The following DYM variants were observed in gnomAD, a reference collection of about 807,000 sequenced individuals.
The protein encoded by DYM is dyggve-Melchior-Clausen syndrome protein.
A neutral mutation model predicts 93.1 loss-of-function variants in DYM; 78 were observed. That is an observed-to-expected ratio of 0.84 (90% CI 0.70 to 1.01). The LOEUF is 1.01. DYM is among the 50% of genes least tolerant of loss of function. The pLI, the probability that DYM is intolerant of heterozygous loss-of-function variation, is 0.00. For missense variants in DYM, 789 were observed against 845.0 expected (o/e 0.93, Z 0.82); for synonymous variants, 321 against 319.7 (o/e 1.00, Z -0.04).
intron 13 of DYM, among the ~76,000 whole-genome samples, chr18:49,238,398 G>A (rs1381223509): frequency 6.6e-6 from 1 of 151,832 alleles, no homozygotes; most frequent in African/African-American, 2.4e-5. Flanking sequence ...TGCAGCAATG[G>A]ATCTGGCTTG....
intron 10 of DYM, among the ~76,000 whole-genome samples, chr18:49,272,820 T>A (rs777435779): frequency 4.6e-5 from 7 of 152,150 alleles, no homozygotes; most frequent in Admixed American, 6.5e-5. Context: ...CTTCAGTATA[T>A]CTATCAAACA....
intron 8 of DYM, among the ~76,000 whole-genome samples, chr18:49,290,716 A>G (rs1599168267): frequency 6.6e-6 from 1 of 152,040 alleles, no homozygotes; most frequent in Non-Finnish European, 1.5e-5. Flanking sequence ...ACACATATCT[A>G]TGCATGTAAG....
rs969159407 is a variant in DYM, at chr18:49,219,647, G to C, written c.1461-9932C>G. On this transcript the variant is annotated intron_variant, in intron 13 of 17. Transcript: ENST00000675505. ...AATCCAGCATATAAACAGAGCCAAA[G>C]ACAAAAACCACATGATTATCTCAAT... Among the ~76,000 whole-genome samples the C allele has an allele frequency of 2.0e-4, 30 of 152,170 alleles. No individual in the cohort carries two copies. The East Asian group carries it at 5.0e-3, about 25-fold the overall frequency.
rs1477773178 is a variant in DYM at position 49,209,754 on chromosome 18, G to A, written c.1461-39C>T. On this transcript the variant is annotated intron_variant, in intron 13 of 17. Transcript: ENST00000675505. ...GTAAAAGGAGAGAAACAGAAAGAGA[G>A]GAGTTTTCCTTTGAAAAAATAAATC... The A allele has an allele frequency of 4.3e-6, 5 of 1,160,028 alleles. No homozygotes were observed. The African/African-American group carries it at 4.8e-5, about 11-fold the overall frequency. 71.9% of individuals were successfully genotyped at this position (1,160,028 alleles called of 1,614,324 possible). A position where few individuals can be genotyped will look rare whatever the true frequency, so the allele number is the denominator to read the frequency against.
intron 3 of DYM, among the ~76,000 whole-genome samples, chr18:49,380,067 T>C (rs549714665): frequency 6.7e-6 from 1 of 150,196 alleles, no homozygotes; most frequent in Non-Finnish European, 1.5e-5. Context: ...ACACTAAATC[T>C]TTCTCTAGAA....
At chr18:49,229,098 T>C (rs2093624213) in intron 13 of DYM, among the ~76,000 whole-genome samples, 3 of 151,452 alleles carry the variant, frequency 2.0e-5, no homozygotes, top group African/African-American at 7.3e-5. Context: ...AATGATTCTA[T>C]ATTATTTATT....
chr18:49,341,491 CAAAAAAAAA>C (rs10578063), intron 6 of DYM, among the ~76,000 whole-genome samples: 233 of 64,950 alleles, frequency 3.6e-3, no homozygotes, highest in African/African-American at 0.013. Flanking sequence ...GACTCCATCG[CAAAAAAAAA>C]AAAAAAAAAA....
At chr18:49,247,684 T>C (rs1233126172) in intron 13 of DYM, among the ~76,000 whole-genome samples, 2 of 152,366 alleles carry the variant, frequency 1.3e-5, no homozygotes, top group East Asian at 1.9e-4. Context: ...ATTTTGAATG[T>C]GCCAGCAGTC....
intron 1 of DYM, among the ~76,000 whole-genome samples, chr18:49,452,639 G>A (rs898414987): frequency 1.4e-5 from 2 of 137,998 alleles, no homozygotes; most frequent in Non-Finnish European, 3.2e-5. Context: ...GGTTCTCCAA[G>A]TCACTGCCGT....
chr18:49,222,583 G>A (rs2093402899), intron 13 of DYM, among the ~76,000 whole-genome samples: 1 of 152,042 alleles, frequency 6.6e-6, no homozygotes, highest in African/African-American at 2.4e-5. Context: ...AAGAATAACT[G>A]CTCTGCGACT....
intron 2 of DYM, among the ~76,000 whole-genome samples, chr18:49,422,769 TTAAAC>T (rs1300216413): frequency 1.3e-5 from 2 of 152,036 alleles, no homozygotes; most frequent in African/African-American, 2.4e-5. Context: ...AAAACAGACT[TTAAAC>T]TAACAAAGAT....
intron 15 of DYM, among the ~76,000 whole-genome samples, chr18:49,131,082 G>A (rs1484713711): frequency 6.6e-6 from 1 of 152,204 alleles, no homozygotes; most frequent in Non-Finnish European, 1.5e-5. Flanking sequence ...CAGATAAAGA[G>A]TGTTCCTTAC....
At chr18:49,111,031 T>C (rs2081339249) in intron 16 of DYM, among the ~76,000 whole-genome samples, 1 of 152,202 alleles carries the variant, frequency 6.6e-6, no homozygotes, top group Admixed American at 6.5e-5. Flanking sequence ...AGCATTCCCA[T>C]TTTATTTTTT....
At chr18:49,384,201 T>C (rs2068334497) in intron 3 of DYM, among the ~76,000 whole-genome samples, 1 of 151,398 alleles carries the variant, frequency 6.6e-6, no homozygotes. Flanking sequence ...CGCATGCCTA[T>C]GGTCCCAGCT....
rs1568449290 is a variant in DYM at position 49,440,413 on chromosome 18, C to CATATTATATATGA, written c.-53-9967_-53-9966insTCATATATAATAT. On this transcript the variant is annotated intron_variant, in intron 1 of 17. Coordinates refer to ENST00000675505, the MANE Select transcript of DYM (RefSeq NM_001353214.3). ...TATATAATATAGCATATTATATATG[C>CATATTATATATGA]TATATAATATATATTTAGGAGTAAA... Among the ~76,000 whole-genome samples the CATATTATATATGA allele has an allele frequency of 4.7e-4, 42 of 89,856 alleles. 3 individuals carry two copies. In the East Asian group the frequency reaches 4.9e-3, roughly 11 times the overall value. 58.9% of individuals were successfully genotyped at this position (89,856 alleles called of 152,430 possible). A position where few individuals can be genotyped will look rare whatever the true frequency, so the allele number is the denominator to read the frequency against.
chr18:49,404,102 G>A lies in DYM; in HGVS notation c.141-12457C>T, dbSNP rs371433060. 4.3e-4 allele frequency among the ~76,000 whole-genome samples: 66 copies of A among 152,186 alleles called. 1 individual carries two copies. The South Asian group carries it at 0.013, about 31-fold the overall frequency. ...GGCTCACTGCAACCTCCGCCTCCCG[G>A]ATTCAAGCAATTCCCCTGCCTCAGC... is the stretch of plus-strand genomic sequence containing the variant. On this transcript the variant is annotated intron_variant, in intron 2 of 17. Transcript: ENST00000675505.
At chr18:49,359,895 A>G (rs1468492172) in intron 6 of DYM, 1 of 152,198 alleles carries the variant, frequency 6.6e-6, no homozygotes, top group African/African-American at 2.4e-5. Flanking sequence ...ATACTGCACT[A>G]CAGTTAGAGG....
intron 17 of DYM, among the ~76,000 whole-genome samples, chr18:49,091,395 T>A (rs1018475604): frequency 3.0e-4 from 46 of 151,960 alleles, no homozygotes; most frequent in African/African-American, 1.0e-3. Flanking sequence ...GCAGGCATGA[T>A]GGAGAGAGAG....
At chr18:49,265,202 C>A (rs1044461445) in intron 11 of DYM, among the ~76,000 whole-genome samples, 9 of 152,076 alleles carry the variant, frequency 5.9e-5, no homozygotes, top group African/African-American at 1.4e-4. Context: ...CATAGGTGTA[C>A]TGGGGTCAAT....
Sources: allele counts gnomAD v4.1 joint callset (sites outside exome capture counted in the v4.1 genomes callset), GRCh38; gene constraint gnomAD v4.1.1; transcripts MANE v1.5; gene names NCBI Gene and HGNC (gene_info 2026-07-23, HGNC 2026-07-21).